RYR2: variants seen among roughly 807,000 people sequenced by gnomAD.
RYR2 encodes the protein ryanodine receptor 2, also known as cardiac muscle ryanodine receptor-calcium release channel.
A neutral mutation model predicts 601.1 loss-of-function variants in RYR2; 227 were observed. That is an observed-to-expected ratio of 0.38 (90% CI 0.34 to 0.42). RYR2 has a LOEUF of 0.42. Among genes scored for constraint, RYR2 ranks in the 10% least tolerant of loss-of-function variants. The pLI is 1.00. For missense variants in RYR2, 4,646 were observed against 6,156.5 expected (o/e 0.75, Z 8.21); for synonymous variants, 2,223 against 2,175.1 (o/e 1.02, Z -0.61).
chr1:237,112,309 T>C (rs565961480), intron 1 of RYR2, among the ~76,000 whole-genome samples: 5 of 152,274 alleles, frequency 3.3e-5, no homozygotes, highest in African/African-American at 9.6e-5. Flanking sequence ...AGATGGGGTT[T>C]CACCATGTTG....
intron 2 of RYR2, among the ~76,000 whole-genome samples, chr1:237,318,826 C>T (rs936170619): frequency 1.3e-5 from 2 of 152,054 alleles, no homozygotes; most frequent in African/African-American, 4.8e-5. Context: ...TATTGTGCTA[C>T]TTAGATGTGT....
chr1:237,380,409 TA>T lies in RYR2; in HGVS notation c.576+2975del, dbSNP rs1701401256. On this transcript the variant is annotated intron_variant, in intron 8 of 104. Coordinates refer to ENST00000366574, the MANE Select transcript of RYR2 (RefSeq NM_001035.3). The stretch of plus-strand genomic sequence containing the variant: ...ATATATATATATATATATATATATA[TA>T]TATATATATATAGTAAATACGAAGT... Among the ~76,000 whole-genome samples, 12 of 39,276 alleles carry T rather than the reference TA, an allele frequency of 3.1e-4. 1 individual carries two copies. Among genetic ancestry groups the T allele is most frequent in the African/African-American group, 9.8e-4 (12 of 12,234 alleles). The allele number at this position is 39,276 out of a possible 152,430, so 25.8% of individuals were successfully genotyped here.
intron 24 of RYR2, among the ~76,000 whole-genome samples, 180 bp from the exon 25 acceptor site, chr1:237,530,247 C>G (rs1042143694): frequency 1.3e-5 from 2 of 151,174 alleles, no homozygotes; most frequent in African/African-American, 4.9e-5. Context: ...GGAGGCGGAG[C>G]TTGCAGTGAG....
intron 6 of RYR2, among the ~76,000 whole-genome samples, chr1:237,372,806 G>A (rs1700742464): frequency 6.6e-6 from 1 of 152,150 alleles, no homozygotes; most frequent in African/African-American, 2.4e-5. Context: ...AATCAAGCCT[G>A]TAATTACACC....
At chr1:237,112,175 G>A (rs1361995919) in intron 1 of RYR2, among the ~76,000 whole-genome samples, 7 of 152,158 alleles carry the variant, frequency 4.6e-5, no homozygotes, top group African/African-American at 1.7e-4. Context: ...GTGCAACGGT[G>A]CAATCTCAAC....
intron 1 of RYR2, among the ~76,000 whole-genome samples, chr1:237,045,391 C>A (rs1017124921): frequency 2.0e-5 from 3 of 152,092 alleles, no homozygotes; most frequent in Non-Finnish European, 4.4e-5. Flanking sequence ...TTAGCTTGTA[C>A]CTGTCTCTCT....
intron 1 of RYR2, among the ~76,000 whole-genome samples, chr1:237,110,941 T>C (rs1669400278): frequency 6.6e-6 from 1 of 152,236 alleles, no homozygotes; most frequent in Non-Finnish European, 1.5e-5. Context: ...CCCCCTTTAA[T>C]GAGACTCAAG....
rs114029937 is a variant in RYR2, at chr1:237,167,349, G to A, written c.49-103148G>A. Among the ~76,000 whole-genome samples, 1,356 of 152,268 alleles carry A rather than the reference G, an allele frequency of 8.9e-3. 24 individuals carry two copies. Among genetic ancestry groups the A allele is most frequent in the African/African-American group, 0.031 (1,273 of 41,540 alleles). ...ATTTCACATACTGGCTAGATAGAGC[G>A]ATAGTTATCACATCAAATAGAGTAA... On this transcript the variant is annotated intron_variant, in intron 1 of 104. Coordinates refer to ENST00000366574, the MANE Select transcript of RYR2 (RefSeq NM_001035.3).
intron 101 of RYR2, among the ~76,000 whole-genome samples, chr1:237,820,002 TG>T (rs960989202): frequency 3.3e-5 from 5 of 151,810 alleles, no homozygotes; most frequent in African/African-American, 1.2e-4. Flanking sequence ...GCCTGGCCAA[TG>T]TGGTGAAACC....
intron 1 of RYR2, among the ~76,000 whole-genome samples, chr1:237,217,107 G>A (rs1403148236): frequency 6.6e-6 from 1 of 152,156 alleles, no homozygotes; most frequent in Non-Finnish European, 1.5e-5. Context: ...GCCCAAGGAA[G>A]GGTGGCTTTT....
At chr1:237,382,520 T>TTC (rs1701611776) in intron 8 of RYR2, among the ~76,000 whole-genome samples, 1 of 105,904 alleles carries the variant, frequency 9.4e-6, no homozygotes, top group Non-Finnish European at 1.9e-5. Context: ...ATGTTATCCC[T>TTC]CCCCCCTCCC....
In RYR2 at chr1:237,614,363, A is replaced by T; in HGVS notation, c.5235A>T (p.Lys1745Asn). 6.2e-7 allele frequency: 1 copy of T among 1,614,024 alleles called. No individual in the cohort carries two copies. Among genetic ancestry groups the T allele is most frequent in the Non-Finnish European group, 8.5e-7 (1 of 1,179,888 alleles). The part of the protein sequence containing the change: ...SITLFPDENK[K>N]HGLPGIGLST... The stretch of plus-strand genomic sequence containing the variant: ...CCCTGTTCCCTGATGAGAACAAAAA[A>T]CACGGCCTTCCAGGGATCGGCCTCA... Residue 1745 changes from lysine to asparagine, a missense_variant, in exon 37 of 105, where the codon AAA becomes AAT. Transcript: ENST00000366574. The surrounding 1 kb of genome is among the most constrained non-coding windows in gnomAD (Gnocchi z 4.3).
chr1:237,547,009 T>A (rs796873249), intron 25 of RYR2, among the ~76,000 whole-genome samples: 199 of 89,830 alleles, frequency 2.2e-3, no homozygotes, highest in East Asian at 4.5e-3. Context: ...ATTTATTTAT[T>A]TATTTATTTA....
chr1:237,444,475 T>G (rs1023487095), intron 13 of RYR2, among the ~76,000 whole-genome samples: 4 of 152,150 alleles, frequency 2.6e-5, no homozygotes, highest in African/African-American at 9.6e-5. Flanking sequence ...GTTCCTAGAT[T>G]TAGTTCAGTA....
intron 1 of RYR2, among the ~76,000 whole-genome samples, chr1:237,152,832 G>A (rs1447717767): frequency 6.6e-6 from 1 of 152,246 alleles, no homozygotes; most frequent in Admixed American, 6.5e-5. Flanking sequence ...TAAAGAGCCT[G>A]TGGACAGCAA....
intron 1 of RYR2, among the ~76,000 whole-genome samples, chr1:237,151,733 C>A (rs1674724514): frequency 6.6e-6 from 1 of 152,180 alleles, no homozygotes; most frequent in Non-Finnish European, 1.5e-5. Context: ...AGAGGAGGAC[C>A]TTTACAATCA....
intron 17 of RYR2, among the ~76,000 whole-genome samples, chr1:237,477,546 G>C (rs139066442): frequency 2.0e-4 from 30 of 152,290 alleles, no homozygotes; most frequent in Non-Finnish European, 3.8e-4. Context: ...CTGACAGATG[G>C]CTATTTATTA....
At chr1:237,262,974 C>T (rs1216577878) in intron 1 of RYR2, among the ~76,000 whole-genome samples, 3 of 151,368 alleles carry the variant, frequency 2.0e-5, no homozygotes, top group East Asian at 1.9e-4. Flanking sequence ...ATGACTGATT[C>T]GTTTAGATTA....
chr1:237,440,402 A>G (rs1206144189), intron 12 of RYR2, among the ~76,000 whole-genome samples: 2 of 152,350 alleles, frequency 1.3e-5, no homozygotes, highest in African/African-American at 2.4e-5. Flanking sequence ...GAGACTAAAG[A>G]AAGGAGGTAC....
Sources: gnomAD v4.1 joint callset for allele counts (sites outside exome capture counted in the v4.1 genomes callset) on GRCh38, gnomAD v4.1.1 for gene constraint, Gnocchi (gnomAD v3.1) non-coding constraint, MANE v1.5 for transcripts, NCBI Gene and HGNC (gene_info 2026-07-23, HGNC 2026-07-21) for gene names.